The following NOS3 variants were observed in gnomAD, a reference collection of about 807,000 sequenced individuals.
The protein encoded by NOS3 is NOS type III.
Under a neutral mutation model 144.9 loss-of-function variants are expected in NOS3, and 98 were observed. The ratio of observed to expected loss-of-function variants is 0.68; its 90% CI spans 0.57 to 0.80. NOS3 has a LOEUF of 0.80. Ranked by LOEUF, NOS3 falls within the 30% of genes least tolerant of loss-of-function variation. The pLI is 0.00. For synonymous variants in NOS3, 714 were observed against 702.4 expected (o/e 1.02, Z -0.26); for missense variants, 1,465 against 1,656.4 (o/e 0.88, Z 2.01).
Position 150,998,685 on chromosome 7 carries a change from G to T in NOS3, c.816+5G>T. The stretch of plus-strand genomic sequence containing the variant: ...GCCAACGTGGAGATCACCGAGGTGG[G>T]CACCGAGGGCCACCCATGAGGGTGT... On this transcript the variant is annotated splice_donor_5th_base_variant and intron_variant, in intron 7 of 26. Coordinates refer to ENST00000297494, the MANE Select transcript of NOS3 (RefSeq NM_000603.5). The surrounding 1 kb of genome is among the most constrained non-coding windows in gnomAD (Gnocchi z 5.0). The T allele has an allele frequency of 6.2e-7, 1 of 1,602,274 alleles. No homozygotes were observed.
At chr7:150,992,983 T>C (rs1270484212) in intron 1 of NOS3, among the ~76,000 whole-genome samples, 1 of 152,082 alleles carries the variant, frequency 6.6e-6, no homozygotes, top group African/African-American at 2.4e-5. Context: ...ATCAAGCTCT[T>C]CCCTGGCCGG....
At position 150,995,199 on chromosome 7, in the gene NOS3, A is replaced by G. The variant is rs1297083753; in HGVS notation, c.159-4A>G. 2 of 1,570,344 alleles carry G rather than the reference A, an allele frequency of 1.3e-6. No individual in the cohort carries two copies. The highest frequency in any genetic ancestry group is 4.5e-5 in the East Asian group (2 of 44,584). ...CTGATGACCCTATCCCTGGCTCCCA[A>G]CAGCCCCCCGAGCTCCCCGCTAACC... On this transcript the variant is annotated splice_region_variant and splice_polypyrimidine_tract_variant and intron_variant, in intron 2 of 26. Coordinates refer to ENST00000297494, the MANE Select transcript of NOS3 (RefSeq NM_000603.5).
Position 150,996,434 on chromosome 7 carries a change from G to T in NOS3, c.301G>T (p.Gly101Cys). 3 of 1,551,794 alleles carry T rather than the reference G, an allele frequency of 1.9e-6. No individual in the cohort carries two copies. Among genetic ancestry groups the T allele is most frequent in the Non-Finnish European group, 2.6e-6 (3 of 1,151,572 alleles). Residue 101 changes from glycine to cysteine, a missense_variant, in exon 4 of 27, where the codon GGC (glycine) becomes TGC (cysteine). Around this residue, in one of 5 missense-constraint regions of NOS3, gnomAD observed 374 missense variants for 377.0 expected, o/e 0.99. Transcript: ENST00000297494. ...DGPCTPRRCLGSLVFPRKLQG... is the reference protein window; with the variant it reads ...DGPCTPRRCLCSLVFPRKLQG... ...GCCCTGCACCCCAAGACGCTGCCTG[G>T]GCTCCCTGGTATTTCCACGGAAACT... is the stretch of plus-strand genomic sequence containing the variant.
intron 14 of NOS3, among the ~76,000 whole-genome samples, chr7:151,004,534 C>T (rs1402335785): frequency 1.3e-5 from 2 of 152,106 alleles, no homozygotes; most frequent in African/African-American, 4.8e-5. Flanking sequence ...ATACCCCACA[C>T]TGGAAACAAT....
Position 151,001,580 on chromosome 7 carries a change from G to C in NOS3, c.1465G>C (p.Gly489Arg). ...GAAGGGGAGTGCCGCCAAGGGCACC[G>C]GCATCACCAGGAAGAAGACCTTTAA... ...PWKGSAAKGT[G>R]ITRKKTFKEV... The change falls in exon 12 of 27, where the codon GGC (glycine) becomes CGC (arginine). Residue 489 changes from glycine to arginine, a missense_variant. Gly to Arg is a moderately radical substitution (Grantham distance 125). Transcript: ENST00000297494. 1 of 1,613,944 alleles carries C rather than the reference G, an allele frequency of 6.2e-7. No individual in the cohort carries two copies. Among genetic ancestry groups the C allele is most frequent in the Non-Finnish European group, 8.5e-7 (1 of 1,179,984 alleles).
rs762597577 is a variant in NOS3 at position 151,001,945 on chromosome 7, C to T, written c.1627C>T (p.Arg543Trp). ...CGCACAGCAGCTGGGGAGACTCTTC[C>T]GGAAGGCTTTTGATCCCCGGGTAGG... is the stretch of plus-strand genomic sequence containing the variant. ...SYAQQLGRLFRKAFDPRVLCM... is the reference protein window; with the variant it reads ...SYAQQLGRLFWKAFDPRVLCM... Residue 543 changes from arginine to tryptophan, a missense_variant, in exon 13 of 27, where the codon CGG becomes TGG. Around this residue, in one of 5 missense-constraint regions of NOS3, gnomAD observed 745 missense variants for 853.9 expected, o/e 0.87. Transcript: ENST00000297494. The T allele has an allele frequency of 1.7e-5, 28 of 1,613,366 alleles. No homozygotes were observed. The highest frequency in any genetic ancestry group is 4.4e-5 in the South Asian group (4 of 91,082).
chr7:150,995,130 C>T, intron 2 of NOS3, 73 bp from the exon 3 acceptor site: 2 of 796,884 alleles, frequency 2.5e-6, no homozygotes, highest in East Asian at 2.7e-5. Flanking sequence ...GTAACAGGGG[C>T]CTCCGGGTGA....
rs746985517 is a variant in NOS3, at chr7:151,013,906, C to T, written c.3438C>T (p.Ile1146=). 6.3e-7 allele frequency: 1 copy of T among 1,599,108 alleles called. No homozygotes were observed. The highest frequency in any genetic ancestry group is 2.3e-5 in the East Asian group (1 of 44,054). Reference sequence around the variant, plus strand: ...AGCTGGACGAGGCCGGCGACGTCATCGGCGTGCTGCGGGTGCGGAGGGGCG... The same window carrying T: ...AGCTGGACGAGGCCGGCGACGTCATTGGCGTGCTGCGGGTGCGGAGGGGCG... The part of the protein sequence containing the change: ...DMELDEAGDV[I]GVLRDQQRYH... The change falls in exon 26 of 27, where the codon ATC becomes ATT. Residue 1146 remains isoleucine (I), a synonymous_variant. Coordinates refer to ENST00000297494, the MANE Select transcript of NOS3 (RefSeq NM_000603.5).
At chr7:150,991,786 A>G (rs1802259261) in intron 1 of NOS3, among the ~76,000 whole-genome samples, 1 of 152,210 alleles carries the variant, frequency 6.6e-6, no homozygotes, top group Non-Finnish European at 1.5e-5. Context: ...ACCTGAGGTC[A>G]GGAGTTCGAG....
chr7:151,013,419 G>T (rs1165506379), intron 25 of NOS3, 40 bp downstream of exon 25: 2 of 1,582,756 alleles, frequency 1.3e-6, no homozygotes, highest in African/African-American at 2.7e-5. Flanking sequence ...CTGAAGATAG[G>T]GAGAGAGGGG....
At chr7:151,001,731 C>A in intron 12 of NOS3, 90 bp from the exon 13 acceptor site, 1 of 1,588,908 alleles carries the variant, frequency 6.3e-7, no homozygotes, top group Non-Finnish European at 8.6e-7. Flanking sequence ...CTCAGTATCC[C>A]AAAACCCTGT....
rs757064068 is a variant in NOS3 at position 151,007,139 on chromosome 7, C to A, written c.1975C>A (p.His659Asn). 1 of 1,614,038 alleles carries A rather than the reference C, an allele frequency of 6.2e-7. No homozygotes were observed. Among genetic ancestry groups the A allele is most frequent in the Non-Finnish European group, 8.5e-7 (1 of 1,179,996 alleles). ...VFGLGSRAYP[H>N]FCAFARAVDT... ...CGGGCTCGGCTCCCGGGCATACCCCCACTTCTGCGCCTTTGCTCGTGCCGT... is the reference window on the plus strand; with the variant it reads ...CGGGCTCGGCTCCCGGGCATACCCCAACTTCTGCGCCTTTGCTCGTGCCGT... Residue 659 changes from histidine (H) to asparagine (N), a missense_variant, in exon 17 of 27, where the codon CAC becomes AAC. By Grantham distance (68) the His-to-Asn change is moderately conservative. This residue lies in a region of NOS3 where 745 missense variants were observed against 853.9 expected (regional missense o/e 0.87). Transcript: ENST00000297494.
chr7:151,014,588 A>C lies in NOS3; in HGVS notation c.*419A>C. ...ACTACTAAAGTGCCTACCCCAGCTC[A>C]TGTGGATTACAGTTTTTTTTTTTTG... On this transcript the variant is annotated 3_prime_UTR_variant, in exon 27 of 27. Transcript: ENST00000297494. 5.9e-6 allele frequency: 1 copy of C among 169,638 alleles called. No homozygotes were observed. Among genetic ancestry groups the C allele is most frequent in the Non-Finnish European group, 1.2e-5 (1 of 80,678 alleles). 10.5% of individuals were successfully genotyped at this position (169,638 alleles called of 1,614,324 possible). A position where few individuals can be genotyped will look rare whatever the true frequency, so the allele number is the denominator to read the frequency against.
rs1182280759 is a variant in NOS3 at position 151,009,417 on chromosome 7, C to T, written c.2344C>T (p.Arg782Cys). 6 of 1,531,562 alleles carry T rather than the reference C, an allele frequency of 3.9e-6. No homozygotes were observed. Among genetic ancestry groups the T allele is most frequent in the South Asian group, 2.4e-5 (2 of 83,134 alleles). The allele number at this position is 1,531,562 out of a possible 1,614,324, so 94.9% of individuals were successfully genotyped here. ...CCCCAGGAGGGCCACCATCCTGGTG[C>T]GCCTGGACACCGGAGGCCAGGAGGG... Reference protein sequence around the residue: ...SKSTRATILVRLDTGGQEGLQ... With the variant: ...SKSTRATILVCLDTGGQEGLQ... The change falls in exon 20 of 27, where the codon CGC becomes TGC. Residue 782 changes from arginine to cysteine, a missense_variant. Transcript: ENST00000297494.
chr7:151,003,044 G>C lies in NOS3; in HGVS notation c.1752+740G>C. On this transcript the variant is annotated intron_variant, in intron 14 of 26. Transcript: ENST00000297494. The surrounding 1 kb of genome is among the most constrained non-coding windows in gnomAD (Gnocchi z 4.1). ...CTTAGGTATCTCTGAGGTGCCCCAG[G>C]CTAGGCTCATTTCTGAGTCTTACCT... 1 of 338,912 alleles carries C rather than the reference G, an allele frequency of 3.0e-6. No homozygotes were observed. Among genetic ancestry groups the C allele is most frequent in the Middle Eastern group, 1.0e-3 (1 of 970 alleles). 21.0% of individuals were successfully genotyped at this position (338,912 alleles called of 1,614,324 possible).
intron 21 of NOS3, 36 bp from the exon 22 acceptor site, chr7:151,010,561 A>G (rs747404418): frequency 6.6e-7 from 1 of 1,515,704 alleles, no homozygotes. Flanking sequence ...AGGAAGGGCT[A>G]TGGGGCCTCC....
chr7:150,993,949 C>T lies in NOS3; in HGVS notation c.146C>T (p.Ala49Val), dbSNP rs755710890. The T allele has an allele frequency of 1.5e-5, 24 of 1,566,438 alleles. No homozygotes were observed. In the South Asian group the frequency reaches 1.9e-4, roughly 12 times the overall value. Residue 49 changes from alanine (A) to valine (V), a missense_variant, in exon 2 of 27, where the codon GCG becomes GTG. Ala to Val is a moderately conservative substitution (Grantham distance 64). This residue lies in a region of NOS3 where 374 missense variants were observed against 377.0 expected (regional missense o/e 0.99). Transcript: ENST00000297494. The surrounding 1 kb of genome is among the most constrained non-coding windows in gnomAD (Gnocchi z 4.0). ...GCCCCAGCATCCCTACTCCCACCAG[C>T]GCCAGAACACAGGTAAGGGCCAGGC... ...SRAPASLLPP[A>V]PEHSPPSSPL...
At chr7:150,992,617 C>G (rs1450827146) in intron 1 of NOS3, among the ~76,000 whole-genome samples, 1 of 152,158 alleles carries the variant, frequency 6.6e-6, no homozygotes, top group African/African-American at 2.4e-5. Flanking sequence ...CCTGCCGGCC[C>G]CCCACCCAGG....
intron 23 of NOS3, 53 bp from the exon 24 acceptor site, chr7:151,012,298 A>G (rs1049958362): frequency 6.8e-7 from 1 of 1,479,206 alleles, no homozygotes; most frequent in Non-Finnish European, 9.1e-7. Context: ...GCATGGTGAG[A>G]ATGGTGGAGC....
Sources: allele counts gnomAD v4.1 joint callset (sites outside exome capture counted in the v4.1 genomes callset), GRCh38; gene constraint gnomAD v4.1.1; regional missense constraint gnomAD v4.1.1; non-coding constraint Gnocchi (gnomAD v3.1); transcripts MANE v1.5; gene names NCBI Gene and HGNC (gene_info 2026-07-23, HGNC 2026-07-21).